The following DGLUCY variants were observed in gnomAD, a reference collection of about 807,000 sequenced individuals.
The protein encoded by DGLUCY is D-glutamate cyclase, mitochondrial.
DGLUCY carries 58 observed loss-of-function variants against 58.5 expected under a neutral mutation model. That is an observed-to-expected ratio of 0.99 (90% CI 0.80 to 1.23). DGLUCY has a LOEUF of 1.23. Among genes scored for constraint, DGLUCY ranks in the 50% most tolerant of loss-of-function variants. The pLI is 0.00. For missense variants in DGLUCY, 779 were observed against 784.7 expected (o/e 0.99, Z 0.09); for synonymous variants, 325 against 314.1 (o/e 1.03, Z -0.37).
chr14:91,155,443 A>G (rs1315627847), intron 1 of DGLUCY, among the ~76,000 whole-genome samples: 4 of 152,188 alleles, frequency 2.6e-5, no homozygotes, highest in Non-Finnish European at 5.9e-5. Context: ...CTGGCATACA[A>G]CTTCTAAAAT....
intron 1 of DGLUCY, among the ~76,000 whole-genome samples, chr14:91,143,777 T>A (rs1213732480): frequency 1.3e-5 from 2 of 152,144 alleles, no homozygotes; most frequent in Non-Finnish European, 2.9e-5. Flanking sequence ...ATGCCAGACA[T>A]TGTGCTGGGT....
At chr14:91,204,510 G>C (rs57257861) in intron 11 of DGLUCY, among the ~76,000 whole-genome samples, 196 bp from the exon 12 acceptor site, 2 of 152,140 alleles carry the variant, frequency 1.3e-5, no homozygotes, top group Admixed American at 6.5e-5. Context: ...TGTTCCAAAC[G>C]TGGACTCATT....
chr14:91,137,587 G>A (rs1199290149), intron 1 of DGLUCY, among the ~76,000 whole-genome samples: 1 of 151,228 alleles, frequency 6.6e-6, no homozygotes, highest in African/African-American at 2.4e-5. Flanking sequence ...AGTACAGACG[G>A]GGTTTCACCA....
At chr14:91,077,684 G>A (rs1285721072) in intron 1 of DGLUCY, among the ~76,000 whole-genome samples, 4 of 151,564 alleles carry the variant, frequency 2.6e-5, no homozygotes, top group African/African-American at 4.9e-5. Flanking sequence ...CCCGGGAGGC[G>A]GAGGTTGCAG....
At chr14:91,082,241 G>A (rs1405366756) in intron 1 of DGLUCY, among the ~76,000 whole-genome samples, 1 of 152,102 alleles carries the variant, frequency 6.6e-6, no homozygotes, top group Non-Finnish European at 1.5e-5. Context: ...TCTTATTTGG[G>A]AGGAATTCCA....
chr14:91,190,288 C>CT (rs1313695811), intron 9 of DGLUCY, among the ~76,000 whole-genome samples: 1 of 152,200 alleles, frequency 6.6e-6, no homozygotes, highest in Non-Finnish European at 1.5e-5. Context: ...CGCCCGGCCT[C>CT]TGTTAGGTTC....
intron 8 of DGLUCY, among the ~76,000 whole-genome samples, chr14:91,187,286 C>G (rs1330196791): frequency 6.6e-6 from 1 of 152,216 alleles, no homozygotes; most frequent in African/African-American, 2.4e-5. Flanking sequence ...GCGTGAGCCA[C>G]CCCGCCCAGC....
chr14:91,206,062 A>G (rs915063296), intron 12 of DGLUCY, among the ~76,000 whole-genome samples: 2 of 150,694 alleles, frequency 1.3e-5, no homozygotes, highest in African/African-American at 2.4e-5. Context: ...CTGGTCTCGA[A>G]CTCCTGCCTT....
chr14:91,072,027 A>T lies in DGLUCY; in HGVS notation c.-82+11323A>T, dbSNP rs188229312. 1.8e-4 allele frequency among the ~76,000 whole-genome samples: 27 copies of T among 152,220 alleles called. No individual in the cohort carries two copies. The East Asian group carries it at 5.0e-3, about 28-fold the overall frequency. ...TAATGGCTGGAAAATAATCCAGTCT[A>T]AAAAATGAACTCCAGCCAGGCGTTG... On this transcript the variant is annotated intron_variant, in intron 1 of 4. Coordinates refer to the DGLUCY transcript ENST00000521334.
chr14:91,075,685 C>A (rs141386000), intron 1 of DGLUCY, among the ~76,000 whole-genome samples: 3 of 152,134 alleles, frequency 2.0e-5, no homozygotes, highest in Non-Finnish European at 2.9e-5. Context: ...TGACCAAATG[C>A]GTCTTATAAT....
At chr14:91,204,922 C>T in intron 12 of DGLUCY, 97 bp downstream of exon 12, 1 of 1,539,602 alleles carries the variant, frequency 6.5e-7, no homozygotes, top group South Asian at 1.2e-5. Context: ...TCTCTGCAGT[C>T]AGTCCATAGG....
intron 1 of DGLUCY, among the ~76,000 whole-genome samples, chr14:91,156,700 GAA>G (rs908479333): frequency 2.6e-5 from 4 of 152,198 alleles, no homozygotes; most frequent in African/African-American, 4.8e-5. Flanking sequence ...TCTCTAAAGA[GAA>G]AAGAGAGAGC....
rs146791907 is a variant in DGLUCY, at chr14:91,072,102, C to T, written c.-82+11398C>T. On this transcript the variant is annotated intron_variant, in intron 1 of 4. Coordinates refer to the DGLUCY transcript ENST00000521334. ...CTTTAGGAGGCCCAGGCAGGAGGAT[C>T]GCTTGAGCCCACGAGTTCAAGATCA... 7.2e-5 allele frequency among the ~76,000 whole-genome samples: 11 copies of T among 152,166 alleles called. 1 individual carries two copies. The East Asian group carries it at 2.1e-3, about 29-fold the overall frequency.
At chr14:91,153,170 CAG>C (rs1268571700) in intron 1 of DGLUCY, among the ~76,000 whole-genome samples, 2 of 152,102 alleles carry the variant, frequency 1.3e-5, no homozygotes, top group Non-Finnish European at 2.9e-5. Context: ...TCCCTCCTGA[CAG>C]TGAGCTTTAT....
intron 6 of DGLUCY, among the ~76,000 whole-genome samples, chr14:91,174,571 G>T (rs1301077954): frequency 1.3e-5 from 2 of 152,190 alleles, no homozygotes; most frequent in Non-Finnish European, 2.9e-5. Flanking sequence ...CTCCCAAAGT[G>T]CTGGGATTAC....
chr14:91,127,161 A>G (rs548442966), intron 1 of DGLUCY, among the ~76,000 whole-genome samples: 2 of 144,650 alleles, frequency 1.4e-5, no homozygotes, highest in African/African-American at 5.1e-5. Flanking sequence ...ATCTCAAGCC[A>G]TCCTCCCACC....
At chr14:91,219,353 T>C (rs1479932762) in intron 13 of DGLUCY, among the ~76,000 whole-genome samples, 1 of 152,150 alleles carries the variant, frequency 6.6e-6, no homozygotes, top group African/African-American at 2.4e-5. Flanking sequence ...AAAGGCCTTC[T>C]AGGCCGCAGA....
rs1256788381 is a variant in DGLUCY, at chr14:91,062,574, T to A, written c.-82+1870T>A. Among the ~76,000 whole-genome samples, 60 of 8,954 alleles carry A rather than the reference T, an allele frequency of 6.7e-3. 2 individuals carry two copies. Among genetic ancestry groups the A allele is most frequent in the African/African-American group, 0.021 (41 of 1,908 alleles). 5.9% of individuals were successfully genotyped at this position (8,954 alleles called of 152,430 possible). On this transcript the variant is annotated intron_variant, in intron 1 of 4. Transcript: ENST00000521334. ...AAAAAAAAAAATATATATATATATA[T>A]ATATATATATATATATATATATATA...
rs558538235 is a variant in DGLUCY at position 91,143,386 on chromosome 14, C to T, written c.-81-14253C>T. Among the ~76,000 whole-genome samples the T allele has an allele frequency of 5.8e-4, 88 of 152,226 alleles. 1 individual carries two copies. The highest frequency in any genetic ancestry group is 1.5e-3 in the African/African-American group (61 of 41,532). ...CTGGGATTACAGGCATGAGCCACCGCGCCTGGCAGCAGTTCTGAGGAACAG... is the reference window on the plus strand; with the variant it reads ...CTGGGATTACAGGCATGAGCCACCGTGCCTGGCAGCAGTTCTGAGGAACAG... On this transcript the variant is annotated intron_variant, in intron 1 of 13. Transcript: ENST00000256324.
Sources: allele counts gnomAD v4.1 joint callset (sites outside exome capture counted in the v4.1 genomes callset), GRCh38; gene constraint gnomAD v4.1.1; transcripts MANE v1.5; gene names NCBI Gene and HGNC (gene_info 2026-07-23, HGNC 2026-07-21).